CUL3: variants seen among roughly 807,000 people sequenced by gnomAD.
The protein encoded by CUL3 is cullin 3.
CUL3 carries 19 observed loss-of-function variants against 89.1 expected under a neutral mutation model. The ratio of observed to expected loss-of-function variants is 0.21; its 90% CI spans 0.15 to 0.31. The LOEUF (loss-of-function observed/expected upper bound fraction) is 0.31. Among genes scored for constraint, CUL3 ranks in the 10% least tolerant of loss-of-function variants. CUL3 has a pLI of 1.00. For missense variants in CUL3, 469 were observed against 942.3 expected, an observed-to-expected ratio of 0.50 and a Z score of 6.58; for synonymous variants, 351 against 308.4, an observed-to-expected ratio of 1.14 and a Z score of -1.45.
chr2:224,509,211 C>T (rs1692719299), intron 6 of CUL3, among the ~76,000 whole-genome samples: 1 of 151,850 alleles, frequency 6.6e-6, no homozygotes, highest in Non-Finnish European at 1.5e-5. Flanking sequence ...GAAAAATTAA[C>T]CCCCCCACCT....
chr2:224,510,903 T>C (rs1156353862), intron 6 of CUL3, among the ~76,000 whole-genome samples: 3 of 152,194 alleles, frequency 2.0e-5, no homozygotes, highest in Non-Finnish European at 1.5e-5. Context: ...ACAAATATTT[T>C]TGCATTTTCA....
intron 3 of CUL3, among the ~76,000 whole-genome samples, chr2:224,522,800 C>T (rs530155623): frequency 6.7e-6 from 1 of 148,808 alleles, no homozygotes; most frequent in African/African-American, 2.5e-5. Context: ...TGCACTCCAG[C>T]CTGGGTGACA....
rs1426423115 is a variant in CUL3 at position 224,471,861 on chromosome 2, C to A, written c.*2384G>T. On this transcript the variant is annotated 3_prime_UTR_variant, in exon 16 of 16. Coordinates refer to ENST00000264414, the MANE Select transcript of CUL3 (RefSeq NM_003590.5). ...GCAGTTGAAAAACTATGTATCCACC[C>A]TCCTTAAAAGTCTTCTAATAAATCA... 1 of 230,404 alleles carries A rather than the reference C, an allele frequency of 4.3e-6. No homozygotes were observed. Among genetic ancestry groups the A allele is most frequent in the Admixed American group, 5.7e-5 (1 of 17,684 alleles). 14.3% of individuals were successfully genotyped at this position (230,404 alleles called of 1,614,324 possible).
intron 15 of CUL3, among the ~76,000 whole-genome samples, chr2:224,475,472 C>T (rs1559333784): frequency 6.6e-6 from 1 of 152,186 alleles, no homozygotes. Context: ...GTTCTTTGCT[C>T]TAATGCATCC....
At position 224,577,483 on chromosome 2, in the gene CUL3, G is replaced by A. The variant is rs1287759778; in HGVS notation, c.66+7461C>T. Among the ~76,000 whole-genome samples, 8 of 151,994 alleles carry A rather than the reference G, an allele frequency of 5.3e-5. No homozygotes were observed. In the East Asian group the frequency reaches 1.2e-3, roughly 22 times the overall value. ...ACCAGGGAGGCTGAGGCAGGAGAAT[G>A]GCGTGAACCCGGGAGGTGGAGCTTG... On this transcript the variant is annotated intron_variant, in intron 1 of 15. Coordinates refer to ENST00000264414, the MANE Select transcript of CUL3 (RefSeq NM_003590.5).
intron 2 of CUL3, among the ~76,000 whole-genome samples, chr2:224,548,373 A>G (rs574004819): frequency 6.6e-6 from 1 of 152,330 alleles, no homozygotes; most frequent in African/African-American, 2.4e-5. Flanking sequence ...ATTCAATCGG[A>G]GTAAGATATT....
chr2:224,531,442 A>G (rs1385388010), intron 3 of CUL3, among the ~76,000 whole-genome samples: 1 of 152,008 alleles, frequency 6.6e-6, no homozygotes, highest in Non-Finnish European at 1.5e-5. Context: ...ATTTAAAAAA[A>G]AAAACATACA....
intron 13 of CUL3, among the ~76,000 whole-genome samples, chr2:224,483,298 C>A (rs970972424): frequency 2.0e-5 from 3 of 152,108 alleles, no homozygotes; most frequent in Non-Finnish European, 2.9e-5. Flanking sequence ...GATTACAGAT[C>A]ATCCCAAGAG....
intron 5 of CUL3, 149 bp downstream of exon 5, chr2:224,513,375 T>G: frequency 1.7e-6 from 1 of 581,282 alleles, no homozygotes; most frequent in Non-Finnish European, 3.0e-6. Context: ...GGTCAGAATG[T>G]GAGGTAGTGT....
At position 224,514,427 on chromosome 2, in the gene CUL3, T is replaced by G. The variant is rs79184347; in HGVS notation, c.539+185A>C. ...CTTAGGATAGTCTCTTCTAAAAATA[T>G]AAAAGATGTGTGCTTTCAAATTAAA... On this transcript the variant is annotated intron_variant, in intron 4 of 15. Transcript: ENST00000264414. 9.3e-3 allele frequency among the ~76,000 whole-genome samples: 1,420 copies of G among 152,304 alleles called. 16 individuals carry two copies. Among genetic ancestry groups the G allele is most frequent in the African/African-American group, 0.033 (1,352 of 41,580 alleles).
At chr2:224,539,556 G>T (rs1019865095) in intron 2 of CUL3, among the ~76,000 whole-genome samples, 1 of 152,150 alleles carries the variant, frequency 6.6e-6, no homozygotes, top group Admixed American at 6.5e-5. Context: ...AAACCAAGAC[G>T]TTCTTCTGCA....
chr2:224,526,608 A>G (rs1294429662), intron 3 of CUL3, among the ~76,000 whole-genome samples: 3 of 150,588 alleles, frequency 2.0e-5, no homozygotes, highest in Non-Finnish European at 3.0e-5. Flanking sequence ...AAAAAAAAAA[A>G]AAAGAAAAGA....
rs761481832 is a variant in CUL3 at position 224,511,476 on chromosome 2, T to G, written c.761A>C (p.Lys254Thr). The change falls in exon 6 of 16, where the codon AAA becomes ACA. Residue 254 changes from lysine to threonine, a missense_variant. By Grantham distance (78) the Lys-to-Thr change is moderately conservative. Around this residue, in one of 4 missense-constraint regions of CUL3, gnomAD observed 370 missense variants for 733.2 expected, o/e 0.50. Coordinates refer to ENST00000264414, the MANE Select transcript of CUL3 (RefSeq NM_003590.5). ...EIERVMHCLD[K>T]STEEPIVKVV... is the part of the protein sequence containing the mutation. ...CTTTACAATTGGTTCTTCCGTTGATTTGTCAAGGCAGTGCATCACTCGTTC... is the reference window on the plus strand; with the variant it reads ...CTTTACAATTGGTTCTTCCGTTGATGTGTCAAGGCAGTGCATCACTCGTTC... The G allele has an allele frequency of 6.2e-7, 1 of 1,613,852 alleles. No homozygotes were observed. Among genetic ancestry groups the G allele is most frequent in the South Asian group, 1.1e-5 (1 of 91,072 alleles).
chr2:224,542,491 CTT>C (rs1397763549), intron 2 of CUL3, among the ~76,000 whole-genome samples: 27 of 122,342 alleles, frequency 2.2e-4, no homozygotes, highest in African/African-American at 7.9e-4. Flanking sequence ...GCACTTCTGG[CTT>C]TTTGTGTGTG....
chr2:224,580,520 C>G (rs1695409127), intron 1 of CUL3, among the ~76,000 whole-genome samples: 1 of 152,120 alleles, frequency 6.6e-6, no homozygotes, highest in African/African-American at 2.4e-5. Flanking sequence ...CCCATCACTA[C>G]TTAAAATACA....
At chr2:224,580,956 T>C (rs1695421934) in intron 1 of CUL3, among the ~76,000 whole-genome samples, 1 of 152,094 alleles carries the variant, frequency 6.6e-6, no homozygotes, top group Admixed American at 6.6e-5. Context: ...GGGCGTGGAT[T>C]TTGGTCAAAG....
chr2:224,571,485 G>T (rs1226769418), intron 1 of CUL3, among the ~76,000 whole-genome samples: 1 of 151,994 alleles, frequency 6.6e-6, no homozygotes. Flanking sequence ...ATAACCCAAA[G>T]GGAAAGGAAA....
rs964318441 is a variant in CUL3 at position 224,505,983 on chromosome 2, A to T, written c.1179T>A (p.Asp393Glu). 1 of 1,602,304 alleles carries T rather than the reference A, an allele frequency of 6.2e-7. No homozygotes were observed. The highest frequency in any genetic ancestry group is 8.5e-7 in the Non-Finnish European group (1 of 1,174,326). ...RSPEYLSLFI[D>E]DKLKKGVKGL... ...CTTTGACTCCCTTTTTCAGCTTATCATCAATAAATAATGAGAGGTATTCAG... is the reference window on the plus strand; with the variant it reads ...CTTTGACTCCCTTTTTCAGCTTATCTTCAATAAATAATGAGAGGTATTCAG... The change falls in exon 8 of 16, where the codon GAT (aspartate) becomes GAA (glutamate). Residue 393 changes from aspartate to glutamate, a missense_variant. Transcript: ENST00000264414.
At chr2:224,575,099 T>C (rs551287772) in intron 1 of CUL3, among the ~76,000 whole-genome samples, 1 of 152,318 alleles carries the variant, frequency 6.6e-6, no homozygotes, top group African/African-American at 2.4e-5. Context: ...GATTAAATAA[T>C]ATAATTGAAA....
Sources: gnomAD v4.1 joint callset for allele counts (sites outside exome capture counted in the v4.1 genomes callset) on GRCh38, gnomAD v4.1.1 for gene constraint, gnomAD v4.1.1 regional missense constraint, MANE v1.5 for transcripts, NCBI Gene and HGNC (gene_info 2026-07-23, HGNC 2026-07-21) for gene names.